The following AKAP9 variants were observed in gnomAD, a reference collection of about 807,000 sequenced individuals.
AKAP9 encodes A-kinase anchoring protein 9.
AKAP9 carries 311 observed loss-of-function variants against 488.5 expected under a neutral mutation model. That is an observed-to-expected ratio of 0.64 (90% confidence interval 0.58 to 0.70). The LOEUF (loss-of-function observed/expected upper bound fraction) is 0.70. AKAP9 is among the 30% of genes least tolerant of loss of function. The pLI is 0.00. For synonymous variants in AKAP9, 1,462 were observed against 1,483.5 expected, an observed-to-expected ratio of 0.99 and a Z score of 0.33; for missense variants, 4,215 against 4,374.5, an observed-to-expected ratio of 0.96 and a Z score of 1.03.
chr7:92,080,552 C>T (rs1228843477), intron 31 of AKAP9, among the ~76,000 whole-genome samples: 1 of 151,478 alleles, frequency 6.6e-6, no homozygotes, highest in Non-Finnish European at 1.5e-5. Context: ...GAGCCAAGAT[C>T]GCGCCACTGC....
At chr7:92,027,606 CG>C (rs1386298028) in intron 14 of AKAP9, among the ~76,000 whole-genome samples, 13 of 129,186 alleles carry the variant, frequency 1.0e-4, no homozygotes, top group African/African-American at 3.3e-4. Flanking sequence ...AAGTGAGGAG[CG>C]CCTCTGCCTG....
chr7:92,002,491 A>G lies in AKAP9; in HGVS notation c.2574A>G (p.Glu858=), dbSNP rs1215910482. 6.2e-7 allele frequency: 1 copy of G among 1,611,412 alleles called. No homozygotes were observed. Among genetic ancestry groups the G allele is most frequent in the Non-Finnish European group, 8.5e-7 (1 of 1,179,174 alleles). ...TTTCATTTGCTGAAAAAAACTTTGA[A>G]GTTAACTATCAAGAGTTACAAGAGG... ...NTFSFAEKNF[E]VNYQELQEEY... Residue 858 remains glutamate (E), a synonymous_variant, in exon 8 of 50, where the codon GAA becomes GAG. Transcript: ENST00000356239.
In AKAP9 at chr7:92,107,365, C is replaced by T. The variant is rs766467346; in HGVS notation, c.11489C>T (p.Thr3830Met). 5 of 1,613,330 alleles carry T rather than the reference C, an allele frequency of 3.1e-6. No individual in the cohort carries two copies. The highest frequency in any genetic ancestry group is 2.2e-5 in the East Asian group (1 of 44,850). Residue 3830 changes from threonine (T) to methionine (M), a missense_variant, in exon 48 of 50, where the codon ACG (threonine) becomes ATG (methionine). Transcript: ENST00000356239. The stretch of plus-strand genomic sequence containing the variant: ...TTATATGGAGAACCAAGACATACTA[C>T]GTATCGCTCAAGATCAGATCTGGAC... ...LELYGEPRHT[T>M]YRSRSDLDYI...
At position 92,019,001 on chromosome 7, in the gene AKAP9, TTAGA is replaced by T. The variant is rs1007992805; in HGVS notation, c.3837+1903_3837+1906del. Among the ~76,000 whole-genome samples the T allele has an allele frequency of 2.0e-5, 3 of 152,232 alleles. No individual in the cohort carries two copies. In the South Asian group the frequency reaches 6.2e-4, roughly 32 times the overall value. On this transcript the variant is annotated intron_variant, in intron 12 of 49. Coordinates refer to ENST00000356239, the MANE Select transcript of AKAP9 (RefSeq NM_005751.5). ...TTCAACCAGAAACTTGGGGATTGTC[TTAGA>T]TAGTCTTCTCTTTTCACTCCTGGTC... is the stretch of plus-strand genomic sequence containing the variant.
intron 3 of AKAP9, among the ~76,000 whole-genome samples, chr7:91,988,069 A>G (rs1282405118): frequency 3.3e-5 from 5 of 152,008 alleles, no homozygotes; most frequent in Non-Finnish European, 4.4e-5. Flanking sequence ...AGTCCCAGCT[A>G]CTTGGGAGGC....
chr7:92,008,707 C>T (rs1032199399), intron 8 of AKAP9, among the ~76,000 whole-genome samples: 20 of 143,546 alleles, frequency 1.4e-4, no homozygotes, highest in Admixed American at 7.8e-4. Flanking sequence ...AGAATATGGG[C>T]CAGGCGCGGT....
chr7:91,954,985 C>T (rs1383129672), intron 1 of AKAP9, among the ~76,000 whole-genome samples: 1 of 152,148 alleles, frequency 6.6e-6, no homozygotes, highest in Non-Finnish European at 1.5e-5. Context: ...ATTATATAAA[C>T]TGTACTTTAT....
At position 92,065,588 on chromosome 7, in the gene AKAP9, G is replaced by A. The variant is rs562583566; in HGVS notation, c.6210+125G>A. ...GTTTTTCAGTGTTTTATTAGGTGTC[G>A]AATCTACTAATCGATCAAAAAGTAC... On this transcript the variant is annotated intron_variant, in intron 25 of 49. Coordinates refer to ENST00000356239, the MANE Select transcript of AKAP9 (RefSeq NM_005751.5). 2.3e-4 allele frequency: 152 copies of A among 674,738 alleles called. 1 individual carries two copies. Among genetic ancestry groups the A allele is most frequent in the African/African-American group, 8.9e-4 (49 of 54,986 alleles). The allele number at this position is 674,738 out of a possible 1,614,324, so 41.8% of individuals were successfully genotyped here.
chr7:92,019,863 A>C (rs559785572), intron 12 of AKAP9, among the ~76,000 whole-genome samples: 14 of 151,826 alleles, frequency 9.2e-5, no homozygotes, highest in Non-Finnish European at 1.8e-4. Flanking sequence ...AATACAAAAA[A>C]ATTAGCTGGG....
chr7:92,013,875 T>C (rs1321158928), intron 9 of AKAP9, among the ~76,000 whole-genome samples: 4 of 55,288 alleles, frequency 7.2e-5, no homozygotes, highest in Non-Finnish European at 1.2e-4. Flanking sequence ...TGATCAACAT[T>C]TTTAAAAAAA....
At chr7:91,993,806 C>T (rs145933318) in intron 5 of AKAP9, among the ~76,000 whole-genome samples, 1 of 152,262 alleles carries the variant, frequency 6.6e-6, no homozygotes, top group Non-Finnish European at 1.5e-5. Context: ...GTGCAAACCA[C>T]ATCAAAATAT....
chr7:92,099,600 TG>T (rs1669138085), intron 43 of AKAP9, 86 bp from the exon 44 acceptor site: 2 of 1,257,350 alleles, frequency 1.6e-6, no homozygotes, highest in Non-Finnish European at 2.3e-6. Context: ...TCATGAATTC[TG>T]TTGTTCTCGG....
At position 92,096,942 on chromosome 7, in the gene AKAP9, G is replaced by A; in HGVS notation, c.9983G>A (p.Ser3328Asn). 1 of 1,614,244 alleles carries A rather than the reference G, an allele frequency of 6.2e-7. No homozygotes were observed. The change falls in exon 41 of 50, where the codon AGC becomes AAC. Residue 3328 changes from serine (S) to asparagine (N), a missense_variant. Coordinates refer to ENST00000356239, the MANE Select transcript of AKAP9 (RefSeq NM_005751.5). The part of the protein sequence containing the change: ...RERELHAQLQ[S>N]SDGTGQSRPP... ...CGGGAATTGCACGCACAGCTGCAGA[G>A]CAGTGATGGTACTGGACAGTCTCGG...
At position 92,077,840 on chromosome 7, in the gene AKAP9, C is replaced by T. The variant is rs2130858206; in HGVS notation, c.6910C>T (p.Leu2304Phe). 2 of 1,613,494 alleles carry T rather than the reference C, an allele frequency of 1.2e-6. No homozygotes were observed. The highest frequency in any genetic ancestry group is 4.5e-5 in the East Asian group (2 of 44,796). The stretch of plus-strand genomic sequence containing the variant: ...CCAATTAAATGAACAAGTTACGAAA[C>T]TCCAGCAGCAACTTAAAATTACAAC... ...IDQLNEQVTK[L>F]QQQLKITTDN... Residue 2304 changes from leucine (L) to phenylalanine (F), a missense_variant, in exon 30 of 50, where the codon CTC (leucine) becomes TTC (phenylalanine). By Grantham distance (22) the Leu-to-Phe change is conservative. Transcript: ENST00000356239.
At chr7:92,098,248 G>C (rs1816952345) in intron 43 of AKAP9, 34 bp downstream of exon 43, 2 of 1,293,714 alleles carry the variant, frequency 1.5e-6, no homozygotes, top group Non-Finnish European at 2.2e-6. Context: ...CTGAAGCATT[G>C]AGAGCAAAGA....
At chr7:91,962,969 T>C (rs567879133) in intron 1 of AKAP9, among the ~76,000 whole-genome samples, 2 of 152,322 alleles carry the variant, frequency 1.3e-5, no homozygotes, top group East Asian at 1.9e-4. Context: ...TGCCCTGATA[T>C]ATTTTGCTGT....
intron 22 of AKAP9, among the ~76,000 whole-genome samples, chr7:92,059,846 C>T (rs970050474): frequency 6.6e-6 from 1 of 151,676 alleles, no homozygotes; most frequent in Non-Finnish European, 1.5e-5. Flanking sequence ...GTTATCCAGA[C>T]TTTAAAGGAA....
chr7:92,050,482 G>A (rs1210963043), intron 21 of AKAP9, among the ~76,000 whole-genome samples: 3 of 152,118 alleles, frequency 2.0e-5, no homozygotes, highest in Non-Finnish European at 1.5e-5. Context: ...AAACACAGGA[G>A]TCTCCATAGC....
intron 31 of AKAP9, among the ~76,000 whole-genome samples, chr7:92,082,228 C>A (rs1443331140): frequency 2.0e-5 from 3 of 152,170 alleles, no homozygotes; most frequent in African/African-American, 7.2e-5. Flanking sequence ...AGCCACCGTG[C>A]CTGGCCTAAA....
Sources: allele counts gnomAD v4.1 joint callset (sites outside exome capture counted in the v4.1 genomes callset), GRCh38; gene constraint gnomAD v4.1.1; transcripts MANE v1.5; gene names NCBI Gene and HGNC (gene_info 2026-07-23, HGNC 2026-07-21).